NTRK3: variants seen among roughly 807,000 people sequenced by gnomAD.
NTRK3 encodes the protein NT-3 growth factor receptor.
NTRK3 carries 24 observed loss-of-function variants against 91.7 expected under a neutral mutation model. The ratio of observed to expected loss-of-function variants is 0.26; its 90% CI spans 0.19 to 0.37. The LOEUF (loss-of-function observed/expected upper bound fraction) is 0.37, where lower values mean the gene tolerates loss of function less well. Among genes scored for constraint, NTRK3 ranks in the 10% least tolerant of loss-of-function variants. The probability of loss-of-function intolerance (pLI) is 1.00; values close to 1 mark genes in which losing one functional copy is unlikely to be tolerated. For missense variants in NTRK3, 880 were observed against 1,068.9 expected (o/e 0.82, Z 2.46); for synonymous variants, 483 against 404.0 (o/e 1.20, Z -2.34).
rs59024353 is a variant in NTRK3 at position 88,243,635 on chromosome 15, T to G, written c.248+12271A>C. The stretch of plus-strand genomic sequence containing the variant: ...CAAATTTAAGCTAAAAGAGGCTTTT[T>G]TGTCAACCAGACCAACCCCTACATT... On this transcript the variant is annotated intron_variant, in intron 3 of 18. Coordinates refer to ENST00000394480, the Ensembl canonical transcript of NTRK3. This position sits in a 1 kb window ranked among gnomAD's most constrained non-coding sequence, Gnocchi z 4.8. Among the ~76,000 whole-genome samples the G allele has an allele frequency of 0.04, 6,094 of 152,160 alleles. 377 individuals are homozygous for G. Among genetic ancestry groups the G allele is most frequent in the African/African-American group, 0.13 (5,514 of 41,460 alleles).
intron 3 of NTRK3, among the ~76,000 whole-genome samples, chr15:88,209,785 AGT>A (rs377424633): frequency 6.6e-6 from 1 of 152,352 alleles, no homozygotes; most frequent in East Asian, 1.9e-4. Flanking sequence ...AGACTCAAAC[AGT>A]GCCTTCCATT....
chr15:87,932,674 A>T (rs1264797829), intron 16 of NTRK3, among the ~76,000 whole-genome samples: 1 of 152,200 alleles, frequency 6.6e-6, no homozygotes, highest in East Asian at 1.9e-4. Flanking sequence ...TTGCAACATC[A>T]GAGAAGGGTG....
chr15:88,034,467 C>A (rs1391160296), intron 13 of NTRK3, among the ~76,000 whole-genome samples: 2 of 152,182 alleles, frequency 1.3e-5, no homozygotes, highest in Admixed American at 6.5e-5. Flanking sequence ...CCCATACATA[C>A]AAATAAAACT....
At chr15:88,043,155 G>T (rs1427819939) in intron 13 of NTRK3, among the ~76,000 whole-genome samples, 1 of 152,202 alleles carries the variant, frequency 6.6e-6, no homozygotes, top group Non-Finnish European at 1.5e-5. Context: ...AGGGGTCTGA[G>T]AATGTCAAAA....
chr15:87,915,976 C>A (rs1488759027), intron 17 of NTRK3, among the ~76,000 whole-genome samples: 1 of 152,178 alleles, frequency 6.6e-6, no homozygotes, highest in Non-Finnish European at 1.5e-5. Flanking sequence ...GGGCTATCAA[C>A]TTTCCTACCT....
exon 19 of NTRK3, chr15:87,876,990 T>C (rs750684638): frequency 3.7e-6 from 6 of 1,612,134 alleles, no homozygotes; most frequent in Non-Finnish European, 4.2e-6. Context: ...ATGGAGGATT[T>C]TGTAGATCTC....
At chr15:88,047,324 G>A (rs1011060773) in intron 13 of NTRK3, among the ~76,000 whole-genome samples, 6 of 151,956 alleles carry the variant, frequency 3.9e-5, no homozygotes, top group African/African-American at 1.2e-4. Context: ...ATACTTATGT[G>A]TAATATACCC....
rs1407505553 is a variant in NTRK3, at chr15:87,885,682, T to C, written c.2134-5254A>G. 7.2e-7 allele frequency: 1 copy of C among 1,382,580 alleles called. No individual in the cohort carries two copies. The highest frequency in any genetic ancestry group is 1.5e-5 in the African/African-American group (1 of 67,624). 85.6% of individuals were successfully genotyped at this position (1,382,580 alleles called of 1,614,324 possible). ...GAACTATTCATTAAAAAAAATACGC[T>C]TAGATACCTACCTCACACCATATAC... On this transcript the variant is annotated intron_variant, in intron 17 of 18. Transcript: ENST00000394480.
intron 17 of NTRK3, chr15:87,916,503 C>T: frequency 2.8e-6 from 2 of 702,180 alleles, no homozygotes; most frequent in Non-Finnish European, 5.2e-6. Flanking sequence ...TCAGAATTTT[C>T]TTATGGGGCA....
chr15:87,892,247 T>C (rs904135955), intron 17 of NTRK3, among the ~76,000 whole-genome samples: 1 of 152,202 alleles, frequency 6.6e-6, no homozygotes, highest in Non-Finnish European at 1.5e-5. Context: ...GAATCTCTAA[T>C]GATTGGGGAA....
chr15:87,935,782 C>T (rs1174174113), intron 15 of NTRK3, among the ~76,000 whole-genome samples: 1 of 152,204 alleles, frequency 6.6e-6, no homozygotes, highest in Non-Finnish European at 1.5e-5. Flanking sequence ...TTGAGCAGCA[C>T]CAGCAAGCAT....
intron 14 of NTRK3, among the ~76,000 whole-genome samples, chr15:88,006,149 A>G (rs536060821): frequency 1.3e-5 from 2 of 152,218 alleles, no homozygotes. Flanking sequence ...AAATCCAGCA[A>G]GCACCAGGGT....
chr15:87,891,576 T>C (rs2065859902), intron 17 of NTRK3, among the ~76,000 whole-genome samples: 1 of 152,200 alleles, frequency 6.6e-6, no homozygotes, highest in Admixed American at 6.5e-5. Context: ...CATAAGCAAA[T>C]ATGGATTTAC....
At chr15:87,916,372 G>T (rs947322130) in intron 17 of NTRK3, 5 of 528,484 alleles carry the variant, frequency 9.5e-6, no homozygotes, top group South Asian at 3.0e-5. Context: ...TGACACATCC[G>T]TAAGGGCCCT....
chr15:87,992,563 A>G (rs550060643), intron 14 of NTRK3, among the ~76,000 whole-genome samples: 3 of 151,570 alleles, frequency 2.0e-5, no homozygotes, highest in South Asian at 2.1e-4. Context: ...GACTATTTGG[A>G]AAAAAAAACC....
At chr15:88,199,816 C>G (rs923181467) in intron 3 of NTRK3, among the ~76,000 whole-genome samples, 2 of 152,194 alleles carry the variant, frequency 1.3e-5, no homozygotes, top group Non-Finnish European at 2.9e-5. Flanking sequence ...AGAGTTTACT[C>G]AAAGATCCCA....
chr15:88,018,814 G>A (rs189440395), intron 14 of NTRK3, among the ~76,000 whole-genome samples: 143 of 152,186 alleles, frequency 9.4e-4, no homozygotes, highest in Non-Finnish European at 1.1e-3. Flanking sequence ...AAAGCACTAC[G>A]CAGTGTATGA....
intron 12 of NTRK3, 133 bp from the exon 13 acceptor site, chr15:88,126,506 A>G (rs767393198): frequency 4.9e-6 from 3 of 616,946 alleles, no homozygotes; most frequent in Non-Finnish European, 8.8e-6. Flanking sequence ...TGCAATACTG[A>G]GTAAGGTCTT....
At chr15:87,942,338 G>A (rs902271845) in intron 14 of NTRK3, among the ~76,000 whole-genome samples, 2 of 152,224 alleles carry the variant, frequency 1.3e-5, no homozygotes, top group African/African-American at 4.8e-5. Flanking sequence ...TACAGGGAGG[G>A]GATTAAAACT....
Sources: gnomAD v4.1 joint callset for allele counts (sites outside exome capture counted in the v4.1 genomes callset) on GRCh38, gnomAD v4.1.1 for gene constraint, Gnocchi (gnomAD v3.1) non-coding constraint, MANE v1.5 for transcripts, NCBI Gene and HGNC (gene_info 2026-07-23, HGNC 2026-07-21) for gene names.